Variants in MYO9A observed in about 807,000 individuals in gnomAD.
MYO9A encodes myosin IXA.
Under a neutral mutation model 293.3 loss-of-function variants are expected in MYO9A, and 103 were observed. The ratio of observed to expected loss-of-function variants is 0.35; its 90% confidence interval spans 0.30 to 0.41. The LOEUF is 0.41. MYO9A is among the 10% of genes least tolerant of loss of function. The probability of loss-of-function intolerance (pLI) is 1.00; values close to 1 mark genes in which losing one functional copy is unlikely to be tolerated. For synonymous variants in MYO9A, 1,001 were observed against 1,035.7 expected, an observed-to-expected ratio of 0.97 and a Z score of 0.64; for missense variants, 2,685 against 3,033.0, an observed-to-expected ratio of 0.89 and a Z score of 2.69.
chr15:71,936,399 G>T (rs1434143603), intron 16 of MYO9A, among the ~76,000 whole-genome samples: 2 of 152,034 alleles, frequency 1.3e-5, no homozygotes, highest in African/African-American at 4.8e-5. Context: ...ATAAATTGTG[G>T]TCCTCTATTG....
At chr15:72,094,208 AAAG>A (rs1281484325) in intron 1 of MYO9A, among the ~76,000 whole-genome samples, 2 of 88,546 alleles carry the variant, frequency 2.3e-5, no homozygotes, top group African/African-American at 5.3e-5. Flanking sequence ...GAACTTGTCA[AAAG>A]AAGAAAGAAG....
At chr15:72,014,455 G>C (rs1191060882) in intron 6 of MYO9A, among the ~76,000 whole-genome samples, 1 of 152,160 alleles carries the variant, frequency 6.6e-6, no homozygotes, top group African/African-American at 2.4e-5. Flanking sequence ...GGAGGCTGAG[G>C]CATGCAGATC....
intron 12 of MYO9A, among the ~76,000 whole-genome samples, chr15:71,973,413 G>A (rs1006859282): frequency 2.6e-5 from 4 of 152,142 alleles, no homozygotes; most frequent in South Asian, 2.1e-4. Context: ...ACTACATTAG[G>A]GGCAGTAGCT....
intron 32 of MYO9A, among the ~76,000 whole-genome samples, chr15:71,865,806 A>T (rs535714856): frequency 6.6e-6 from 1 of 152,186 alleles, no homozygotes. Flanking sequence ...TAAATAGTTA[A>T]ATTTTGTTAT....
intron 13 of MYO9A, chr15:71,960,300 T>C: frequency 1.8e-6 from 1 of 547,810 alleles, no homozygotes; most frequent in South Asian, 2.7e-5. Flanking sequence ...CTCTTCAAAG[T>C]AATGAATGAG....
intron 39 of MYO9A, among the ~76,000 whole-genome samples, chr15:71,832,179 G>A (rs2054755229): frequency 6.6e-6 from 1 of 152,130 alleles, no homozygotes; most frequent in Admixed American, 6.5e-5. Context: ...AGGATGCTGA[G>A]GTAAGAGCAT....
In MYO9A at chr15:71,883,581, T is replaced by C; in HGVS notation, c.5398+13A>G. The C allele has an allele frequency of 6.2e-7, 1 of 1,603,290 alleles. No homozygotes were observed. Among genetic ancestry groups the C allele is most frequent in the Non-Finnish European group, 8.5e-7 (1 of 1,176,932 alleles). ...AATTATGAACACAAGTTCCACCCTT[T>C]GGTCACTTTTACCATCTGGAAACTG... On this transcript the variant is annotated intron_variant, in intron 28 of 41. Coordinates refer to ENST00000356056, the MANE Select transcript of MYO9A (RefSeq NM_006901.4).
intron 1 of MYO9A, among the ~76,000 whole-genome samples, chr15:72,064,403 G>A (rs1272590202): frequency 6.6e-6 from 1 of 152,148 alleles, no homozygotes; most frequent in East Asian, 1.9e-4. Context: ...TACACCGTAT[G>A]CTTGTCAAAA....
chr15:71,830,367 T>A, intron 39 of MYO9A, 56 bp from the exon 40 acceptor site: 2 of 1,524,330 alleles, frequency 1.3e-6, no homozygotes, highest in Non-Finnish European at 1.8e-6. Flanking sequence ...CAGTTTTACA[T>A]TGCTCTTTTA....
At chr15:71,950,026 A>T (rs963145095) in intron 15 of MYO9A, among the ~76,000 whole-genome samples, 2 of 151,934 alleles carry the variant, frequency 1.3e-5, no homozygotes, top group Admixed American at 6.6e-5. Context: ...TATTTTAAAA[A>T]TTTTTTTCCA....
intron 39 of MYO9A, among the ~76,000 whole-genome samples, chr15:71,842,859 CAAA>C (rs35367150): frequency 8.5e-6 from 1 of 118,326 alleles, no homozygotes; most frequent in Non-Finnish European, 1.7e-5. Flanking sequence ...GACTCCACCT[CAAA>C]AAAAAAAAAA....
chr15:71,902,093 C>T (rs1301520363), intron 22 of MYO9A, among the ~76,000 whole-genome samples: 1 of 151,764 alleles, frequency 6.6e-6, no homozygotes, highest in Admixed American at 6.6e-5. Context: ...ATTATATACC[C>T]GAAGAGGAAG....
chr15:71,840,901 G>A (rs939204399), intron 39 of MYO9A, among the ~76,000 whole-genome samples: 5 of 152,206 alleles, frequency 3.3e-5, no homozygotes, highest in East Asian at 1.9e-4. Flanking sequence ...AAAGTGCTGC[G>A]ATTACAGGCG....
intron 1 of MYO9A, among the ~76,000 whole-genome samples, chr15:72,108,170 T>C (rs1338345777): frequency 1.3e-5 from 2 of 152,200 alleles, no homozygotes; most frequent in African/African-American, 4.8e-5. Flanking sequence ...CAGATTATTG[T>C]ACATAACAGG....
chr15:72,027,864 A>T, intron 3 of MYO9A, 71 bp from the exon 4 acceptor site: 4 of 1,126,026 alleles, frequency 3.6e-6, no homozygotes, highest in Non-Finnish European at 5.2e-6. Flanking sequence ...ATTTGGAGAC[A>T]GTGTAAAAGT....
Position 72,032,576 on chromosome 15 carries a change from C to T in MYO9A, c.853G>A (p.Ala285Thr). 1 of 1,591,812 alleles carries T rather than the reference C, an allele frequency of 6.3e-7. No homozygotes were observed. The highest frequency in any genetic ancestry group is 8.5e-7 in the Non-Finnish European group (1 of 1,172,256). Residue 285 changes from alanine to threonine, a missense_variant, in exon 3 of 42, where the codon GCA becomes ACA. By Grantham distance (58) the Ala-to-Thr change is moderately conservative. Transcript: ENST00000356056. Reference protein sequence around the residue: ...AGPVLEAFGNAKTAHNNNSSR... With the variant: ...AGPVLEAFGNTKTAHNNNSSR... ...GAATTGTTATTATGAGCTGTCTTTG[C>T]ATTTCCAAAGGCCTGTCAAAATAAA...
chr15:72,029,128 T>C (rs1430738184), intron 3 of MYO9A, among the ~76,000 whole-genome samples: 1 of 152,186 alleles, frequency 6.6e-6, no homozygotes, highest in Non-Finnish European at 1.5e-5. Context: ...TCATTACATA[T>C]ATCTGGTGAA....
chr15:71,931,951 G>C (rs563131161), intron 18 of MYO9A, among the ~76,000 whole-genome samples: 1 of 151,426 alleles, frequency 6.6e-6, no homozygotes, highest in African/African-American at 2.4e-5. Flanking sequence ...GATGTGCCAA[G>C]TTCCGTTAGT....
At chr15:71,908,499 T>C (rs2057737550) in intron 19 of MYO9A, among the ~76,000 whole-genome samples, 1 of 152,222 alleles carries the variant, frequency 6.6e-6, no homozygotes, top group African/African-American at 2.4e-5. Context: ...TTAGAGCATT[T>C]ACATTGTTAA....
Sources: gnomAD v4.1 joint callset for allele counts (sites outside exome capture counted in the v4.1 genomes callset) on GRCh38, gnomAD v4.1.1 for gene constraint, MANE v1.5 for transcripts, NCBI Gene and HGNC (gene_info 2026-07-23, HGNC 2026-07-21) for gene names.